ASTN1: variants seen among roughly 807,000 people sequenced by gnomAD.
The protein encoded by ASTN1 is astrotactin 1.
ASTN1 carries 41 observed loss-of-function variants against 140.7 expected under a neutral mutation model. That is an observed-to-expected ratio of 0.29 (90% CI 0.23 to 0.38). ASTN1 has a LOEUF of 0.38. Ranked by LOEUF, ASTN1 falls within the 10% of genes least tolerant of loss-of-function variation. The pLI is 1.00. For missense variants in ASTN1, 1,479 were observed against 1,678.8 expected, an observed-to-expected ratio of 0.88 and a Z score of 2.08; for synonymous variants, 640 against 652.2, an observed-to-expected ratio of 0.98 and a Z score of 0.29.
chr1:177,108,629 C>T (rs1403772925), intron 1 of ASTN1, among the ~76,000 whole-genome samples: 1 of 152,108 alleles, frequency 6.6e-6, no homozygotes, highest in Admixed American at 6.6e-5. Context: ...TGACAATGGG[C>T]AGGTGGGTTG....
chr1:177,114,206 A>G (rs1208576604), intron 1 of ASTN1, among the ~76,000 whole-genome samples: 2 of 152,192 alleles, frequency 1.3e-5, no homozygotes, highest in Non-Finnish European at 2.9e-5. Flanking sequence ...TTAAACCTCC[A>G]TTTCCTTATG....
chr1:177,014,709 C>T, intron 8 of ASTN1, 82 bp downstream of exon 8: 1 of 1,318,172 alleles, frequency 7.6e-7, no homozygotes, highest in Non-Finnish European at 1.1e-6. Context: ...CTCTATTCCT[C>T]TCCATGCAGT....
At chr1:177,039,332 G>C (rs1448936912) in intron 2 of ASTN1, among the ~76,000 whole-genome samples, 1 of 152,194 alleles carries the variant, frequency 6.6e-6, no homozygotes, top group Non-Finnish European at 1.5e-5. Flanking sequence ...CTCCTGTTTT[G>C]TCTAAATACC....
At chr1:176,963,216 AT>A (rs1437847117) in intron 9 of ASTN1, among the ~76,000 whole-genome samples, 1 of 152,208 alleles carries the variant, frequency 6.6e-6, no homozygotes, top group Non-Finnish European at 1.5e-5. Context: ...TTTAAATTCT[AT>A]TTCAGAGTCC....
At chr1:177,029,972 A>G (rs562577483) in intron 4 of ASTN1, among the ~76,000 whole-genome samples, 2 of 152,336 alleles carry the variant, frequency 1.3e-5, no homozygotes, top group Non-Finnish European at 2.9e-5. Context: ...CTTCCCTCTG[A>G]CTAGGGCCAT....
At chr1:177,038,910 G>T (rs1676851784) in intron 2 of ASTN1, among the ~76,000 whole-genome samples, 1 of 152,120 alleles carries the variant, frequency 6.6e-6, no homozygotes, top group Non-Finnish European at 1.5e-5. Context: ...CAAAGAAACT[G>T]GTAGATGAAG....
chr1:176,863,573 T>C lies in ASTN1; in HGVS notation c.*711A>G. ...TTGTTCCCTCTCAAAGATCATGTTG[T>C]TCAGAGGAAGGGACAGAGATCTGAC... On this transcript the variant is annotated 3_prime_UTR_variant, in exon 23 of 23. Coordinates refer to ENST00000361833, the MANE Select transcript of ASTN1 (RefSeq NM_004319.3). 2 of 985,442 alleles carry C rather than the reference T, an allele frequency of 2.0e-6. No homozygotes were observed. The highest frequency in any genetic ancestry group is 1.7e-5 in the African/African-American group (1 of 57,356). 61.0% of individuals were successfully genotyped at this position (985,442 alleles called of 1,614,324 possible). A position where few individuals can be genotyped will look rare whatever the true frequency, so the allele number is the denominator to read the frequency against.
chr1:177,065,303 C>T (rs1314483678), intron 1 of ASTN1, among the ~76,000 whole-genome samples: 3 of 152,154 alleles, frequency 2.0e-5, no homozygotes. Flanking sequence ...ACCTCACATC[C>T]CTCAGCACCC....
At chr1:177,055,179 T>C (rs759802102) in intron 2 of ASTN1, among the ~76,000 whole-genome samples, 4 of 152,206 alleles carry the variant, frequency 2.6e-5, no homozygotes, top group Non-Finnish European at 4.4e-5. Flanking sequence ...GCATATGAAG[T>C]CCACTCTTCC....
At chr1:176,946,616 A>G (rs532607636) in intron 12 of ASTN1, among the ~76,000 whole-genome samples, 1 of 152,334 alleles carries the variant, frequency 6.6e-6, no homozygotes, top group East Asian at 1.9e-4. Flanking sequence ...CTAAGAAATT[A>G]GAAAGATTTA....
At chr1:177,003,206 C>T (rs930023724) in intron 8 of ASTN1, among the ~76,000 whole-genome samples, 4 of 151,512 alleles carry the variant, frequency 2.6e-5, no homozygotes, top group Non-Finnish European at 5.9e-5. Context: ...AACTGCAGAC[C>T]GATATCCTTA....
chr1:176,914,763 T>C (rs899598113), intron 16 of ASTN1, among the ~76,000 whole-genome samples: 1 of 151,842 alleles, frequency 6.6e-6, no homozygotes, highest in Non-Finnish European at 1.5e-5. Context: ...ACCTTGGAGG[T>C]CTGGGAGTCA....
chr1:177,070,035 A>G (rs1435477871), intron 1 of ASTN1, among the ~76,000 whole-genome samples: 1 of 152,242 alleles, frequency 6.6e-6, no homozygotes. Flanking sequence ...CAAGTAAGGT[A>G]TGTAATAATA....
At chr1:176,884,610 C>A (rs1668953900) in intron 18 of ASTN1, 120 bp from the exon 19 acceptor site, 1 of 1,086,406 alleles carries the variant, frequency 9.2e-7, no homozygotes, top group Admixed American at 2.3e-5. Context: ...AAAATGATCT[C>A]TTTGAGGGCC....
intron 16 of ASTN1, among the ~76,000 whole-genome samples, chr1:176,904,429 T>C (rs1331285157): frequency 6.6e-6 from 1 of 151,832 alleles, no homozygotes; most frequent in African/African-American, 2.4e-5. Context: ...TGTGCTGGAT[T>C]ATCCCTGCTG....
chr1:176,976,157 T>C (rs1311284658), intron 8 of ASTN1: 1 of 152,210 alleles, frequency 6.6e-6, no homozygotes, highest in Non-Finnish European at 1.5e-5. Context: ...TTTCTATTTC[T>C]GAGGATCAAC....
chr1:176,880,724 A>G (rs1668759888), intron 20 of ASTN1, among the ~76,000 whole-genome samples: 1 of 152,202 alleles, frequency 6.6e-6, no homozygotes, highest in Non-Finnish European at 1.5e-5. Context: ...CTGCTTTAAT[A>G]TGAGGTAATG....
intron 1 of ASTN1, among the ~76,000 whole-genome samples, chr1:177,158,185 C>A (rs921397879): frequency 6.6e-6 from 1 of 152,058 alleles, no homozygotes; most frequent in Admixed American, 6.6e-5. Flanking sequence ...TTTAGATTAC[C>A]GTCAACAATT....
chr1:176,961,739 A>C (rs567502071), intron 9 of ASTN1, among the ~76,000 whole-genome samples: 4 of 152,320 alleles, frequency 2.6e-5, no homozygotes, highest in African/African-American at 9.6e-5. Flanking sequence ...ACTGTCAGAG[A>C]AAAGCTGTGT....
Sources: allele counts gnomAD v4.1 joint callset (sites outside exome capture counted in the v4.1 genomes callset), GRCh38; gene constraint gnomAD v4.1.1; transcripts MANE v1.5; gene names NCBI Gene and HGNC (gene_info 2026-07-23, HGNC 2026-07-21).